THADA: variants seen among roughly 807,000 people sequenced by gnomAD.
THADA encodes THADA armadillo repeat containing.
THADA carries 213 observed loss-of-function variants against 219.8 expected under a neutral mutation model. That is an observed-to-expected ratio of 0.97 (90% CI 0.87 to 1.09). The LOEUF is 1.09. Ranked by LOEUF, THADA falls within the 50% of genes least tolerant of loss-of-function variation. The pLI is 0.00. For missense variants in THADA, 2,956 were observed against 2,311.3 expected (o/e 1.28, Z -5.72); for synonymous variants, 1,018 against 828.9 (o/e 1.23, Z -3.92).
intron 30 of THADA, among the ~76,000 whole-genome samples, chr2:43,334,123 C>T (rs769418503): frequency 2.6e-5 from 4 of 152,154 alleles, no homozygotes; most frequent in Non-Finnish European, 4.4e-5. Flanking sequence ...TCCTTAAACA[C>T]TTAAATCCAC....
chr2:43,592,531 G>T (rs1701685809), intron 1 of THADA, 115 bp from the exon 2 acceptor site: 2 of 585,386 alleles, frequency 3.4e-6, no homozygotes, highest in East Asian at 3.1e-5. Context: ...TATGTTTCAT[G>T]CATCCCCATC....
At chr2:43,357,808 C>A (rs186676391) in intron 29 of THADA, among the ~76,000 whole-genome samples, 1 of 152,228 alleles carries the variant, frequency 6.6e-6, no homozygotes, top group Non-Finnish European at 1.5e-5. Flanking sequence ...TTTATTAATG[C>A]CAAGTTGTTA....
At chr2:43,232,234 A>T (rs1314131640) in intron 37 of THADA, among the ~76,000 whole-genome samples, 1 of 149,366 alleles carries the variant, frequency 6.7e-6, no homozygotes, top group Non-Finnish European at 1.5e-5. Context: ...GCTGGAGTGC[A>T]GTGGTGCAAT....
chr2:43,540,387 T>C (rs1695143113), intron 21 of THADA, among the ~76,000 whole-genome samples: 1 of 152,196 alleles, frequency 6.6e-6, no homozygotes, highest in Admixed American at 6.6e-5. Flanking sequence ...ATGGAACTAG[T>C]CATGTGGTTA....
intron 28 of THADA, among the ~76,000 whole-genome samples, chr2:43,401,708 A>G (rs1024998580): frequency 2.6e-5 from 4 of 152,188 alleles, no homozygotes; most frequent in Non-Finnish European, 4.4e-5. Context: ...GGCATTATAA[A>G]CCTAAATTAA....
chr2:43,241,954 T>C (rs1449126395), intron 36 of THADA, among the ~76,000 whole-genome samples: 1 of 152,192 alleles, frequency 6.6e-6, no homozygotes, highest in Non-Finnish European at 1.5e-5. Flanking sequence ...CACTGCTATC[T>C]GGGCCTTCCC....
intron 36 of THADA, among the ~76,000 whole-genome samples, chr2:43,251,353 T>A (rs1391718906): frequency 6.6e-6 from 1 of 152,212 alleles, no homozygotes; most frequent in Non-Finnish European, 1.5e-5. Flanking sequence ...AGGGAGGCTA[T>A]ACCCTGACAT....
chr2:43,284,035 C>T (rs965737029), intron 35 of THADA, among the ~76,000 whole-genome samples: 1 of 152,126 alleles, frequency 6.6e-6, no homozygotes, highest in Non-Finnish European at 1.5e-5. Flanking sequence ...AAAAATTAGC[C>T]AGGCATGGTG....
intron 30 of THADA, among the ~76,000 whole-genome samples, chr2:43,328,510 T>C (rs757554354): frequency 6.6e-6 from 1 of 152,230 alleles, no homozygotes. Flanking sequence ...CCATCCTCCA[T>C]GCCCTGCTCT....
chr2:43,320,140 AC>A (rs760801441), intron 31 of THADA, among the ~76,000 whole-genome samples: 11 of 152,192 alleles, frequency 7.2e-5, no homozygotes, highest in Non-Finnish European at 1.2e-4. Flanking sequence ...CAAAATAATG[AC>A]CTTTCAAAGA....
intron 29 of THADA, among the ~76,000 whole-genome samples, chr2:43,380,728 T>C (rs1671909484): frequency 1.3e-5 from 2 of 152,028 alleles, no homozygotes; most frequent in Non-Finnish European, 2.9e-5. Context: ...AGAAACCAGG[T>C]CTCCTTGGAG....
chr2:43,531,511 G>A (rs1033840675), intron 21 of THADA, among the ~76,000 whole-genome samples: 44 of 152,164 alleles, frequency 2.9e-4, no homozygotes, highest in Non-Finnish European at 3.8e-4. Flanking sequence ...ATGACTAGTG[G>A]GCTTGGCAGT....
At chr2:43,397,751 A>G (rs538341118) in intron 29 of THADA, among the ~76,000 whole-genome samples, 2 of 152,222 alleles carry the variant, frequency 1.3e-5, no homozygotes, top group East Asian at 3.9e-4. Flanking sequence ...GATGTATTGC[A>G]AAAGATAATA....
intron 36 of THADA, among the ~76,000 whole-genome samples, chr2:43,267,033 T>A (rs556300659): frequency 2.0e-4 from 31 of 152,192 alleles, no homozygotes; most frequent in Non-Finnish European, 3.4e-4. Context: ...AGTAAATTCT[T>A]GCTCTGGGTA....
intron 29 of THADA, among the ~76,000 whole-genome samples, chr2:43,388,347 C>T (rs927679760): frequency 5.9e-5 from 9 of 152,002 alleles, no homozygotes; most frequent in African/African-American, 9.7e-5. Flanking sequence ...TCAGAATTAT[C>T]GTCAGTCATA....
At chr2:43,273,766 A>G (rs1672405579) in intron 36 of THADA, among the ~76,000 whole-genome samples, 1 of 152,018 alleles carries the variant, frequency 6.6e-6, no homozygotes, top group African/African-American at 2.4e-5. Context: ...TGTCACAGTG[A>G]CCCAGGCCTT....
chr2:43,325,056 G>C (rs558110619), intron 30 of THADA, among the ~76,000 whole-genome samples: 1 of 152,160 alleles, frequency 6.6e-6, no homozygotes, highest in Admixed American at 6.5e-5. Context: ...TTTACCATTT[G>C]TCCTTTTAAA....
chr2:43,373,623 C>T (rs1025110759), intron 29 of THADA, among the ~76,000 whole-genome samples: 1 of 152,056 alleles, frequency 6.6e-6, no homozygotes, highest in Non-Finnish European at 1.5e-5. Flanking sequence ...ATTACAGGTG[C>T]ACACCATCAG....
chr2:43,483,064 G>A (rs1333182175), intron 26 of THADA, among the ~76,000 whole-genome samples: 1 of 152,134 alleles, frequency 6.6e-6, no homozygotes, highest in Non-Finnish European at 1.5e-5. Context: ...AAAAGCAGAT[G>A]TTCTTTTTAT....
Sources: allele counts gnomAD v4.1 joint callset (sites outside exome capture counted in the v4.1 genomes callset), GRCh38; gene constraint gnomAD v4.1.1; transcripts MANE v1.5; gene names NCBI Gene and HGNC (gene_info 2026-07-23, HGNC 2026-07-21).